The following TPRG1 variants were observed in gnomAD, a reference collection of about 807,000 sequenced individuals.
TPRG1 encodes tumor protein p63-regulated gene 1 protein.
A neutral mutation model predicts 29.3 loss-of-function variants in TPRG1; 29 were observed. The ratio of observed to expected loss-of-function variants is 0.99; its 90% confidence interval spans 0.74 to 1.35. TPRG1 has a LOEUF of 1.35. Ranked by LOEUF, TPRG1 falls within the 40% of genes most tolerant of loss-of-function variation. The pLI is 0.00. For synonymous variants in TPRG1, 130 were observed against 116.8 expected, an observed-to-expected ratio of 1.11 and a Z score of -0.73; for missense variants, 327 against 335.0, an observed-to-expected ratio of 0.98 and a Z score of 0.19.
chr3:189,184,558 T>G (rs988322650), intron 1 of TPRG1, among the ~76,000 whole-genome samples: 1 of 152,234 alleles, frequency 6.6e-6, no homozygotes, highest in Non-Finnish European at 1.5e-5. Context: ...TTTGCTCTTA[T>G]GTGTGGTCTA....
chr3:189,185,815 C>G (rs949125272), intron 1 of TPRG1, among the ~76,000 whole-genome samples: 1 of 151,962 alleles, frequency 6.6e-6, no homozygotes, highest in African/African-American at 2.4e-5. Flanking sequence ...TTTTTCTTTG[C>G]TTATTTGTAT....
At chr3:189,049,744 C>T (rs972115431) in intron 4 of TPRG1, among the ~76,000 whole-genome samples, 2 of 152,206 alleles carry the variant, frequency 1.3e-5, no homozygotes, top group African/African-American at 4.8e-5. Flanking sequence ...AGGGAGTCCA[C>T]TGCACCTTCT....
chr3:189,060,213 CAA>C (rs1716012870), intron 4 of TPRG1, among the ~76,000 whole-genome samples: 2 of 152,220 alleles, frequency 1.3e-5, no homozygotes, highest in Admixed American at 6.5e-5. Flanking sequence ...GCCTGGGCAA[CAA>C]GAGCGAAAAT....
At chr3:189,017,980 G>C (rs1713045216) in intron 3 of TPRG1, among the ~76,000 whole-genome samples, 1 of 151,160 alleles carries the variant, frequency 6.6e-6, no homozygotes, top group Admixed American at 6.6e-5. Context: ...CTGATGGCCA[G>C]TGATGGTGAG....
At chr3:189,265,883 T>C (rs1222226341) in intron 4 of TPRG1, among the ~76,000 whole-genome samples, 1 of 152,190 alleles carries the variant, frequency 6.6e-6, no homozygotes, top group African/African-American at 2.4e-5. Flanking sequence ...CATTTGGCCT[T>C]CTTCTACCAA....
intron 4 of TPRG1, among the ~76,000 whole-genome samples, chr3:189,074,497 C>G (rs1340880429): frequency 1.3e-5 from 2 of 151,996 alleles, no homozygotes; most frequent in Non-Finnish European, 2.9e-5. Context: ...AGCCACCGCG[C>G]CCGGCCCAGA....
At chr3:189,238,660 G>A in intron 3 of TPRG1, 73 bp from the exon 4 acceptor site, 1 of 1,299,864 alleles carries the variant, frequency 7.7e-7, no homozygotes, top group Non-Finnish European at 1.1e-6. Context: ...TCTGTGCTAG[G>A]AGAGATGTGA....
At chr3:189,251,649 C>G (rs969234043) in intron 4 of TPRG1, among the ~76,000 whole-genome samples, 24 of 152,264 alleles carry the variant, frequency 1.6e-4, no homozygotes, top group African/African-American at 5.5e-4. Context: ...GTCTCTGCAT[C>G]ATAGACAAGG....
At chr3:189,218,651 A>G (rs1736469012) in intron 3 of TPRG1, among the ~76,000 whole-genome samples, 1 of 152,194 alleles carries the variant, frequency 6.6e-6, no homozygotes, top group Non-Finnish European at 1.5e-5. Flanking sequence ...TAGCTTCACA[A>G]CTTTGTTGGT....
intron 3 of TPRG1, among the ~76,000 whole-genome samples, chr3:189,022,621 A>T (rs1156697632): frequency 6.6e-6 from 1 of 151,858 alleles, no homozygotes; most frequent in Non-Finnish European, 1.5e-5. Context: ...TGGGAGAACT[A>T]CTGCTCTCTT....
intron 4 of TPRG1, among the ~76,000 whole-genome samples, chr3:189,039,449 G>A (rs930146092): frequency 4.6e-5 from 7 of 151,948 alleles, no homozygotes; most frequent in Admixed American, 6.6e-5. Flanking sequence ...TAAAAAATGA[G>A]GGTTACCACA....
chr3:189,293,338 C>T (rs1719326721), intron 4 of TPRG1, among the ~76,000 whole-genome samples: 1 of 152,158 alleles, frequency 6.6e-6, no homozygotes, highest in Non-Finnish European at 1.5e-5. Flanking sequence ...TGCAATGTGC[C>T]TGCAGGGCTA....
chr3:189,159,892 G>C (rs1167714105), intron 5 of TPRG1, among the ~76,000 whole-genome samples: 2 of 151,114 alleles, frequency 1.3e-5, no homozygotes, highest in Non-Finnish European at 3.0e-5. Context: ...GGGTTCACGA[G>C]CTGCAAAGAT....
At chr3:189,280,567 A>G (rs956717688) in intron 4 of TPRG1, among the ~76,000 whole-genome samples, 3 of 150,956 alleles carry the variant, frequency 2.0e-5, no homozygotes, top group East Asian at 1.9e-4. Flanking sequence ...AAACTTCTCT[A>G]CATGCACCTA....
At chr3:189,170,999 A>G (rs1258689768), upstream of TPRG1, among the ~76,000 whole-genome samples, 1 of 152,256 alleles carries the variant, frequency 6.6e-6, no homozygotes, top group Non-Finnish European at 1.5e-5. Flanking sequence ...ATTGAAATTC[A>G]ATCATACACA....
chr3:189,158,780 C>T (rs921773382), intron 5 of TPRG1, among the ~76,000 whole-genome samples: 4 of 152,122 alleles, frequency 2.6e-5, no homozygotes, highest in African/African-American at 9.7e-5. Context: ...TCCTTCACTT[C>T]CTAGCTCTGC....
At chr3:189,074,881 C>G (rs28658424) in intron 4 of TPRG1, among the ~76,000 whole-genome samples, 4,672 of 151,722 alleles carry the variant, frequency 0.031, 234 homozygotes, top group African/African-American at 0.1. Context: ...GCGCGATCTC[C>G]GCTCACTGCA....
At chr3:189,119,288 G>A (rs975006231) in intron 1 of TPRG1, among the ~76,000 whole-genome samples, 15 of 152,178 alleles carry the variant, frequency 9.9e-5, no homozygotes, top group African/African-American at 3.6e-4. Flanking sequence ...TTTACCCAAT[G>A]CCTATGCCCC....
chr3:188,999,357 A>T (rs954555992), intron 1 of TPRG1, among the ~76,000 whole-genome samples: 3 of 152,194 alleles, frequency 2.0e-5, no homozygotes, highest in Non-Finnish European at 4.4e-5. Flanking sequence ...TTCATTGATC[A>T]CAGCACTCAT....
Sources: allele counts gnomAD v4.1 joint callset (sites outside exome capture counted in the v4.1 genomes callset), GRCh38; gene constraint gnomAD v4.1.1; transcripts MANE v1.5; gene names NCBI Gene and HGNC (gene_info 2026-07-23, HGNC 2026-07-21).